The following ELAPOR2 variants were observed in gnomAD, a reference collection of about 807,000 sequenced individuals.
The protein encoded by ELAPOR2 is endosome-lysosome associated apoptosis and autophagy regulator family member 2.
ELAPOR2 carries 89 observed loss-of-function variants against 120.7 expected under a neutral mutation model. The observed-to-expected ratio is 0.74, with a 90% CI of 0.62 to 0.88. The LOEUF (loss-of-function observed/expected upper bound fraction) is 0.88. ELAPOR2 is among the 40% of genes least tolerant of loss of function. ELAPOR2 has a pLI of 0.00. For missense variants in ELAPOR2, 1,134 were observed against 1,251.6 expected (o/e 0.91, Z 1.42); for synonymous variants, 444 against 444.9 (o/e 1.00, Z 0.03).
chr7:86,911,730 A>G, intron 15 of ELAPOR2: 1 of 479,758 alleles, frequency 2.1e-6, no homozygotes, highest in Non-Finnish European at 4.1e-6. Flanking sequence ...AAACAACAGT[A>G]AAACTTTCTC....
At chr7:87,016,407 T>C (rs977157838) in intron 1 of ELAPOR2, among the ~76,000 whole-genome samples, 10 of 151,892 alleles carry the variant, frequency 6.6e-5, no homozygotes, top group African/African-American at 2.2e-4. Context: ...ATATTTCAGA[T>C]TGGGCTCTTT....
At chr7:86,901,718 T>C (rs1788734771) in intron 18 of ELAPOR2, among the ~76,000 whole-genome samples, 1 of 152,222 alleles carries the variant, frequency 6.6e-6, no homozygotes, top group Non-Finnish European at 1.5e-5. Flanking sequence ...CTATTGTTGC[T>C]AAGCTGCTTT....
intron 6 of ELAPOR2, among the ~76,000 whole-genome samples, chr7:86,939,697 G>A (rs1790720205): frequency 6.6e-6 from 1 of 152,072 alleles, no homozygotes; most frequent in Non-Finnish European, 1.5e-5. Context: ...TGGCACAACA[G>A]ACATTTCTTG....
intron 1 of ELAPOR2, among the ~76,000 whole-genome samples, chr7:87,040,313 G>C (rs1023608417): frequency 1.3e-5 from 2 of 152,220 alleles, no homozygotes; most frequent in African/African-American, 4.8e-5. Flanking sequence ...CCACCTCTGG[G>C]GGCAGGGCAC....
At position 87,059,602 on chromosome 7, in the gene ELAPOR2, G is replaced by A; in HGVS notation, c.-89C>T. ...CCGGCTCCCGGGCCGCGACTGCTGT[G>A]CGCTCGTCTCGCCGCTCCGTCACCC... On this transcript the variant is annotated 5_prime_UTR_variant, in exon 1 of 22. Coordinates refer to ENST00000450689, the MANE Select transcript of ELAPOR2 (RefSeq NM_001142749.3). 9.0e-7 allele frequency: 1 copy of A among 1,113,530 alleles called. No individual in the cohort carries two copies. The highest frequency in any genetic ancestry group is 1.1e-6 in the Non-Finnish European group (1 of 912,752). The allele number at this position is 1,113,530 out of a possible 1,614,324, so 69.0% of individuals were successfully genotyped here.
At chr7:86,983,409 A>C (rs1344348107) in intron 1 of ELAPOR2, among the ~76,000 whole-genome samples, 1 of 152,036 alleles carries the variant, frequency 6.6e-6, no homozygotes, top group Non-Finnish European at 1.5e-5. Context: ...GTTGAAATGA[A>C]GGAAAAAATG....
intron 1 of ELAPOR2, among the ~76,000 whole-genome samples, chr7:87,013,595 T>C (rs1331821629): frequency 6.6e-6 from 1 of 152,122 alleles, no homozygotes; most frequent in African/African-American, 2.4e-5. Context: ...AAGAAGATTA[T>C]GGTGAATTAT....
intron 2 of ELAPOR2, among the ~76,000 whole-genome samples, chr7:86,960,946 A>G (rs1230561644): frequency 6.6e-6 from 1 of 152,162 alleles, no homozygotes; most frequent in African/African-American, 2.4e-5. Flanking sequence ...ACAACTAAAT[A>G]TTAGAAGTTT....
intron 1 of ELAPOR2, among the ~76,000 whole-genome samples, chr7:86,981,857 T>C (rs1184379878): frequency 1.3e-5 from 2 of 152,182 alleles, no homozygotes; most frequent in Non-Finnish European, 2.9e-5. Context: ...GAGTGGGGTA[T>C]CACCTCAACT....
rs1247773926 is a variant in ELAPOR2, at chr7:86,897,618, C to A, written c.2573G>T (p.Gly858Val). The part of the protein sequence containing the change: ...VISVPSKCPA[G>V]TCDGCTFYFL... ...ATAGAACGTACACCCATCACAGGTA[C>A]CTGCTGGGCACTTGCTAAAATCATA... The change falls in exon 19 of 22, where the codon GGT (glycine) becomes GTT (valine). Residue 858 changes from glycine (G) to valine (V), a missense_variant. Coordinates refer to ENST00000450689, the MANE Select transcript of ELAPOR2 (RefSeq NM_001142749.3). 6.2e-7 allele frequency: 1 copy of A among 1,613,220 alleles called. No individual in the cohort carries two copies. Among genetic ancestry groups the A allele is most frequent in the Admixed American group, 1.7e-5 (1 of 59,932 alleles).
chr7:86,941,111 T>C (rs897292005), intron 5 of ELAPOR2, among the ~76,000 whole-genome samples: 1 of 152,052 alleles, frequency 6.6e-6, no homozygotes, highest in African/African-American at 2.4e-5. Context: ...GGATTGATGG[T>C]CACTTATTGA....
intron 21 of ELAPOR2, 149 bp from the exon 22 acceptor site, chr7:86,880,679 C>A: frequency 1.6e-6 from 1 of 609,084 alleles, no homozygotes; most frequent in Non-Finnish European, 2.9e-6. Flanking sequence ...AATTGGGTGG[C>A]AGATATAAAA....
In ELAPOR2 at chr7:86,897,620, T is replaced by G; in HGVS notation, c.2571A>C (p.Ala857=). The G allele has an allele frequency of 1.9e-6, 3 of 1,613,144 alleles. No homozygotes were observed. Among genetic ancestry groups the G allele is most frequent in the Non-Finnish European group, 2.5e-6 (3 of 1,179,402 alleles). Residue 857 remains alanine (A), a synonymous_variant, in exon 19 of 22, where the codon GCA becomes GCC. Coordinates refer to ENST00000450689, the MANE Select transcript of ELAPOR2 (RefSeq NM_001142749.3). ...GVISVPSKCP[A]GTCDGCTFYF... is the part of the protein sequence containing the mutation. ...AGAACGTACACCCATCACAGGTACC[T>G]GCTGGGCACTTGCTAAAATCATAAA...
At chr7:87,055,945 T>C (rs1160620923) in intron 1 of ELAPOR2, among the ~76,000 whole-genome samples, 1 of 152,358 alleles carries the variant, frequency 6.6e-6, no homozygotes, top group Middle Eastern at 3.4e-3. Context: ...AGCTATTTTG[T>C]GATTTAATTT....
intron 1 of ELAPOR2, among the ~76,000 whole-genome samples, chr7:86,974,321 G>A (rs1056676427): frequency 2.6e-5 from 4 of 151,926 alleles, no homozygotes; most frequent in Non-Finnish European, 4.4e-5. Flanking sequence ...TATATACCCC[G>A]TGATACCTCA....
rs116508315 is a variant in ELAPOR2 at position 87,021,131 on chromosome 7, T to C, written c.189+38194A>G. Among the ~76,000 whole-genome samples the C allele has an allele frequency of 4.2e-3, 638 of 152,248 alleles. 3 individuals carry two copies. The highest frequency in any genetic ancestry group is 0.015 in the African/African-American group (613 of 41,572). On this transcript the variant is annotated intron_variant, in intron 1 of 21. Transcript: ENST00000450689. ...TAAGGATTACACAGCTAGTAAGTGA[T>C]AGAACTGGGATTTAAACCCAGCCAG...
intron 2 of ELAPOR2, among the ~76,000 whole-genome samples, chr7:86,958,838 T>A (rs921229351): frequency 6.6e-6 from 1 of 152,202 alleles, no homozygotes; most frequent in Admixed American, 6.5e-5. Context: ...TGGTTCCATA[T>A]GAGTTTAGGA....
chr7:87,043,046 C>T (rs1196753551), intron 1 of ELAPOR2, among the ~76,000 whole-genome samples: 1 of 152,010 alleles, frequency 6.6e-6, no homozygotes, highest in Admixed American at 6.5e-5. Flanking sequence ...ATACACTCTC[C>T]CAACACTAAA....
intron 8 of ELAPOR2, among the ~76,000 whole-genome samples, chr7:86,936,218 T>C (rs557526127): frequency 6.6e-6 from 1 of 152,042 alleles, no homozygotes; most frequent in Non-Finnish European, 1.5e-5. Flanking sequence ...TTTATGTATT[T>C]ATATAAAGAG....
Sources: allele counts gnomAD v4.1 joint callset (sites outside exome capture counted in the v4.1 genomes callset), GRCh38; gene constraint gnomAD v4.1.1; transcripts MANE v1.5; gene names NCBI Gene and HGNC (gene_info 2026-07-23, HGNC 2026-07-21).